RPS6KA1: variants seen among roughly 807,000 people sequenced by gnomAD.
The protein encoded by RPS6KA1 is ribosomal protein S6 kinase A1, also known as ribosomal protein S6 kinase alpha-1.
A neutral mutation model predicts 91.3 loss-of-function variants in RPS6KA1; 48 were observed. That is an observed-to-expected ratio of 0.53 (90% CI 0.42 to 0.67). The LOEUF (loss-of-function observed/expected upper bound fraction) is 0.67, where lower values mean the gene tolerates loss of function less well. Ranked by LOEUF, RPS6KA1 falls within the 30% of genes least tolerant of loss-of-function variation. RPS6KA1 has a pLI of 0.00. For synonymous variants in RPS6KA1, 359 were observed against 384.7 expected, an observed-to-expected ratio of 0.93 and a Z score of 0.78; for missense variants, 719 against 960.5, an observed-to-expected ratio of 0.75 and a Z score of 3.32.
Position 26,551,823 on chromosome 1 carries a change from G to C in RPS6KA1, c.468+100G>C. On this transcript the variant is annotated intron_variant, in intron 6 of 21. Transcript: ENST00000374168. The surrounding 1 kb of genome is among the most constrained non-coding windows in gnomAD (Gnocchi z 4.5). ...GTACAGAATGTGTTTGGTATGGCTTGAACCTGGAACCACCCAGGCCTGCCT... is the reference window on the plus strand; with the variant it reads ...GTACAGAATGTGTTTGGTATGGCTTCAACCTGGAACCACCCAGGCCTGCCT... 9.6e-7 allele frequency: 1 copy of C among 1,045,340 alleles called. No individual in the cohort carries two copies. The highest frequency in any genetic ancestry group is 1.3e-5 in the South Asian group (1 of 76,970). 64.8% of individuals were successfully genotyped at this position (1,045,340 alleles called of 1,614,324 possible).
chr1:26,546,042 G>C, intron 2 of RPS6KA1: 7 of 1,610,958 alleles, frequency 4.3e-6, no homozygotes, highest in Non-Finnish European at 5.9e-6. Flanking sequence ...CTCGGTGAGT[G>C]TGCCCGAATG....
intron 6 of RPS6KA1, among the ~76,000 whole-genome samples, chr1:26,552,386 CAAAAAAAAAAAAAA>C (rs1197852280): frequency 5.5e-5 from 3 of 54,910 alleles, no homozygotes; most frequent in Admixed American, 2.6e-4. Context: ...GACTCTGTCT[CAAAAAAAAAAAAAA>C]AAAAAAAAAG....
intron 14 of RPS6KA1, among the ~76,000 whole-genome samples, chr1:26,559,952 C>T (rs574229527): frequency 6.6e-6 from 1 of 152,240 alleles, no homozygotes; most frequent in South Asian, 2.1e-4. Context: ...ATCAGCTGGG[C>T]GTGTTGGCGC....
At position 26,571,683 on chromosome 1, in the gene RPS6KA1, C is replaced by T. The variant is rs912769072; in HGVS notation, c.1752+73C>T. 1.3e-6 allele frequency: 2 copies of T among 1,554,964 alleles called. No individual in the cohort carries two copies. Among genetic ancestry groups the T allele is most frequent in the African/African-American group, 2.7e-5 (2 of 73,518 alleles). ...GCCTTGTGCCCCCTCCCAGAGGCCC[C>T]ACATTAGCCGGGACTCCAGTCTCTG... On this transcript the variant is annotated intron_variant, in intron 18 of 21. Coordinates refer to ENST00000374168, the MANE Select transcript of RPS6KA1 (RefSeq NM_002953.4). The surrounding 1 kb of genome is among the most constrained non-coding windows in gnomAD (Gnocchi z 5.1).
At chr1:26,573,999 C>A (rs1220287262) in intron 21 of RPS6KA1, 80 bp from the exon 22 acceptor site, 3 of 1,500,880 alleles carry the variant, frequency 2.0e-6, no homozygotes, top group East Asian at 2.3e-5. Context: ...CTGAGAGGGG[C>A]TGGCCTACCC....
chr1:26,573,553 A>G (rs1165243592), intron 21 of RPS6KA1, among the ~76,000 whole-genome samples, 192 bp downstream of exon 21: 1 of 152,138 alleles, frequency 6.6e-6, no homozygotes, highest in East Asian at 1.9e-4. Flanking sequence ...ACAGCCCCCA[A>G]TCCTCTGGAA....
At chr1:26,556,548 C>A in intron 11 of RPS6KA1, 106 bp from the exon 12 acceptor site, 1 of 1,213,200 alleles carries the variant, frequency 8.2e-7, no homozygotes, top group Non-Finnish European at 1.2e-6. Flanking sequence ...ATTTTCCCCT[C>A]TGCTCCAGCA....
intron 2 of RPS6KA1, among the ~76,000 whole-genome samples, chr1:26,539,147 A>G (rs1326761793): frequency 6.6e-6 from 1 of 152,244 alleles, no homozygotes; most frequent in Non-Finnish European, 1.5e-5. Context: ...CATGTTGGGC[A>G]GAGACGTATA....
intron 17 of RPS6KA1, among the ~76,000 whole-genome samples, chr1:26,562,852 T>G (rs983855726): frequency 3.3e-5 from 4 of 122,216 alleles, no homozygotes; most frequent in African/African-American, 5.8e-5. Flanking sequence ...TTTTTTTTTT[T>G]GGAGATAGAG....
intron 2 of RPS6KA1, chr1:26,545,814 C>G: frequency 7.0e-7 from 1 of 1,435,430 alleles, no homozygotes; most frequent in Non-Finnish European, 9.1e-7. Context: ...CGCCCTTACC[C>G]TGCACATCCG....
chr1:26,551,710 G>A lies in RPS6KA1; in HGVS notation c.455G>A (p.Arg152Gln), dbSNP rs547546931. The A allele has an allele frequency of 1.7e-5, 28 of 1,614,042 alleles. No individual in the cohort carries two copies. Among genetic ancestry groups the A allele is most frequent in the South Asian group, 1.3e-4 (12 of 91,072 alleles). ...CTGCGTGGTGGGGACCTCTTCACCC[G>A]GCTCTCAAAAGAGGTGAGCTGACAT... ...DFLRGGDLFT[R>Q]LSKEVMFTEE... is the part of the protein sequence containing the mutation. Residue 152 changes from arginine to glutamine, a missense_variant, in exon 6 of 22, where the codon CGG (arginine) becomes CAG (glutamine). Physicochemically the swap from Arg to Gln is conservative, Grantham distance 43. Around this residue, in one of 5 missense-constraint regions of RPS6KA1, gnomAD observed 159 missense variants for 264.5 expected, o/e 0.60. Transcript: ENST00000374168. The surrounding 1 kb of genome is among the most constrained non-coding windows in gnomAD (Gnocchi z 4.5).
Position 26,573,241 on chromosome 1 carries a change from G to A in RPS6KA1, c.1965G>A (p.Met655Ile). Residue 655 changes from methionine to isoleucine, a missense_variant, in exon 21 of 22, where the codon ATG (methionine) becomes ATA (isoleucine). By Grantham distance (10) the Met-to-Ile change is conservative. Around this residue, in one of 5 missense-constraint regions of RPS6KA1, gnomAD observed 249 missense variants for 323.1 expected, o/e 0.77. Coordinates refer to ENST00000374168, the MANE Select transcript of RPS6KA1 (RefSeq NM_002953.4). ...GTCCCCAGGACCTGGTGTCCAAGAT[G>A]CTACACGTGGATCCCCACCAGCGCC... is the stretch of plus-strand genomic sequence containing the variant. The part of the protein sequence containing the change: ...SETAKDLVSK[M>I]LHVDPHQRLT... The A allele has an allele frequency of 6.2e-7, 1 of 1,614,108 alleles. No individual in the cohort carries two copies. Among genetic ancestry groups the A allele is most frequent in the Non-Finnish European group, 8.5e-7 (1 of 1,179,990 alleles).
In RPS6KA1 at chr1:26,551,386, C is replaced by T. The variant is rs748133064; in HGVS notation, c.308-11C>T. On this transcript the variant is annotated splice_polypyrimidine_tract_variant and intron_variant, in intron 4 of 21. Transcript: ENST00000374168. The surrounding 1 kb of genome is among the most constrained non-coding windows in gnomAD (Gnocchi z 4.5). Reference sequence around the variant, plus strand: ...CTAGGCTACTGGTGACTTCCTTTCTCGTCTGGCCAGTACGTGACCGCGTCC... The same window carrying T: ...CTAGGCTACTGGTGACTTCCTTTCTTGTCTGGCCAGTACGTGACCGCGTCC... The T allele has an allele frequency of 5.6e-6, 9 of 1,613,384 alleles. No individual in the cohort carries two copies. Among genetic ancestry groups the T allele is most frequent in the Non-Finnish European group, 7.6e-6 (9 of 1,179,464 alleles).
At position 26,553,374 on chromosome 1, in the gene RPS6KA1, C is replaced by T. The variant is rs774328513; in HGVS notation, c.469-17C>T. ...GAAGAGGAGGTCCCTGCTGAAGGCC[C>T]CTCCTGTCTTTTGCAGGTGATGTTC... is the stretch of plus-strand genomic sequence containing the variant. On this transcript the variant is annotated splice_polypyrimidine_tract_variant and intron_variant, in intron 6 of 21. Coordinates refer to ENST00000374168, the MANE Select transcript of RPS6KA1 (RefSeq NM_002953.4). The T allele has an allele frequency of 8.9e-6, 14 of 1,570,934 alleles. No individual in the cohort carries two copies. In the African/African-American group the frequency reaches 1.5e-4, roughly 17 times the overall value.
intron 1 of RPS6KA1, among the ~76,000 whole-genome samples, chr1:26,535,176 C>T (rs1011896430): frequency 6.6e-6 from 1 of 152,100 alleles, no homozygotes; most frequent in African/African-American, 2.4e-5. Flanking sequence ...TCTCCCCAGG[C>T]TGCTGAGAGA....
intron 20 of RPS6KA1, 133 bp from the exon 21 acceptor site, chr1:26,573,091 T>G: frequency 1.1e-6 from 1 of 899,616 alleles, no homozygotes; most frequent in South Asian, 1.6e-5. Context: ...TGGAGCAGAG[T>G]GGAGAATGGA....
chr1:26,572,496 T>C (rs1044255499), intron 20 of RPS6KA1, among the ~76,000 whole-genome samples: 3 of 152,078 alleles, frequency 2.0e-5, no homozygotes, highest in African/African-American at 7.2e-5. Flanking sequence ...TGATCATTCA[T>C]TGGCCCTTCT....
At chr1:26,563,056 C>T (rs924954396) in intron 17 of RPS6KA1, among the ~76,000 whole-genome samples, 19 of 151,822 alleles carry the variant, frequency 1.3e-4, no homozygotes, top group Admixed American at 1.2e-3. Context: ...CCAGGCTGGT[C>T]TCAAACTCCT....
intron 11 of RPS6KA1, 104 bp from the exon 12 acceptor site, chr1:26,556,550 G>T (rs1324111784): frequency 4.0e-6 from 5 of 1,235,542 alleles, no homozygotes; most frequent in Non-Finnish European, 5.9e-6. Flanking sequence ...TTTCCCCTCT[G>T]CTCCAGCAGC....
Sources: allele counts gnomAD v4.1 joint callset (sites outside exome capture counted in the v4.1 genomes callset), GRCh38; gene constraint gnomAD v4.1.1; regional missense constraint gnomAD v4.1.1; non-coding constraint Gnocchi (gnomAD v3.1); transcripts MANE v1.5; gene names NCBI Gene and HGNC (gene_info 2026-07-23, HGNC 2026-07-21).